TEKT3: variants seen among roughly 807,000 people sequenced by gnomAD.
The protein encoded by TEKT3 is tektin-3.
Under a neutral mutation model 49.8 loss-of-function variants are expected in TEKT3, and 49 were observed. That is an observed-to-expected ratio of 0.98 (90% CI 0.78 to 1.25). The LOEUF is 1.25. Among genes scored for constraint, TEKT3 ranks in the 50% most tolerant of loss-of-function variants. TEKT3 has a pLI of 0.00. For synonymous variants in TEKT3, 225 were observed against 237.2 expected (o/e 0.95, Z 0.47); for missense variants, 595 against 629.5 (o/e 0.95, Z 0.59).
At chr17:15,331,756 A>T in intron 2 of TEKT3, 142 bp from the exon 3 acceptor site, 1 of 622,210 alleles carries the variant, frequency 1.6e-6, no homozygotes, top group Non-Finnish European at 2.7e-6. Context: ...TGTTATCCAC[A>T]TTCACCATTG....
At chr17:15,311,686 C>A (rs1400889316) in intron 7 of TEKT3, among the ~76,000 whole-genome samples, 1 of 151,986 alleles carries the variant, frequency 6.6e-6, no homozygotes, top group Non-Finnish European at 1.5e-5. Context: ...CAGCATAATC[C>A]ACAGAAACAA....
At chr17:15,318,965 G>C in intron 5 of TEKT3, 112 bp downstream of exon 5, 1 of 777,944 alleles carries the variant, frequency 1.3e-6, no homozygotes, top group Non-Finnish European at 2.1e-6. Flanking sequence ...AAAAATATGT[G>C]TATATGCCTG....
rs1597653852 is a variant in TEKT3 at position 15,304,521 on chromosome 17, C to T, written c.1257-369G>A. Among the ~76,000 whole-genome samples the T allele has an allele frequency of 6.6e-6, 1 of 152,130 alleles. No homozygotes were observed. Among genetic ancestry groups the T allele is most frequent in the Non-Finnish European group, 1.5e-5 (1 of 68,022 alleles). On this transcript the variant is annotated intron_variant, in intron 8 of 8. Transcript: ENST00000395930. This position sits in a 1 kb window ranked among gnomAD's most constrained non-coding sequence, Gnocchi z 4.7. ...TTGTTTTACAGACTAGGAAATAGAG[C>T]CCAGGGGTTCATAAGCTGTCCTTTC...
upstream of TEKT3, among the ~76,000 whole-genome samples, chr17:15,343,422 T>C (rs381020): frequency 0.5 from 76,545 of 152,040 alleles, 19,997 homozygotes; most frequent in African/African-American, 0.63. Context: ...GGTTAATGCT[T>C]GCCCTTCAGT....
intron 8 of TEKT3, among the ~76,000 whole-genome samples, chr17:15,305,889 C>G (rs1567571654): frequency 6.6e-6 from 1 of 151,962 alleles, no homozygotes; most frequent in African/African-American, 2.4e-5. Flanking sequence ...TTCCACTTCT[C>G]TCATCGTTAA....
chr17:15,312,462 A>G lies in TEKT3; in HGVS notation c.898T>C (p.Trp300Arg), dbSNP rs1371757372. Residue 300 changes from tryptophan to arginine, a missense_variant, in exon 7 of 9, where the codon TGG becomes CGG. By Grantham distance (101) the Trp-to-Arg change is moderately radical (BLOSUM62 -3). Transcript: ENST00000395930. ...ATATTGTCATCTGTAAATTTGGCCC[A>G]GGACTCAGGCACTGAGACACTGAAA... Reference protein sequence around the residue: ...VDATVSVPESWAKFTDDNILR... With the variant: ...VDATVSVPESRAKFTDDNILR... 1.9e-6 allele frequency: 3 copies of G among 1,614,190 alleles called. No homozygotes were observed. The highest frequency in any genetic ancestry group is 2.5e-6 in the Non-Finnish European group (3 of 1,180,034).
rs555719062 is a variant in TEKT3 at position 15,336,414 on chromosome 17, A to C, written c.-30+3614T>G. 8.5e-5 allele frequency among the ~76,000 whole-genome samples: 13 copies of C among 152,326 alleles called. No individual in the cohort carries two copies. The East Asian group carries it at 2.5e-3, about 29-fold the overall frequency. On this transcript the variant is annotated intron_variant, in intron 2 of 8. Coordinates refer to ENST00000395930, the MANE Select transcript of TEKT3 (RefSeq NM_031898.3). ...AAATAAAATCTTTTCATAAAAACGA[A>C]ATCCAAAAGAATTCATCAGCAGCAG...
Position 15,303,863 on chromosome 17 carries a change from C to G in TEKT3, c.*73G>C. 10 of 1,339,810 alleles carry G rather than the reference C, an allele frequency of 7.5e-6. No homozygotes were observed. The highest frequency in any genetic ancestry group is 1.1e-5 in the Non-Finnish European group (10 of 936,080). 83.0% of individuals were successfully genotyped at this position (1,339,810 alleles called of 1,614,324 possible). On this transcript the variant is annotated 3_prime_UTR_variant, in exon 9 of 9. Coordinates refer to ENST00000395930, the MANE Select transcript of TEKT3 (RefSeq NM_031898.3). The stretch of plus-strand genomic sequence containing the variant: ...TTTAATAAGTGACTATATTAGCATT[C>G]GGTTCAAATGCTGAGACAGTGCTCT...
At chr17:15,326,160 G>T (rs1271484189) in intron 4 of TEKT3, among the ~76,000 whole-genome samples, 2 of 152,164 alleles carry the variant, frequency 1.3e-5, no homozygotes, top group Non-Finnish European at 2.9e-5. Context: ...TTAAAGCAGG[G>T]TGTTGATGCC....
chr17:15,323,616 T>C (rs397523), intron 4 of TEKT3, among the ~76,000 whole-genome samples: 71,592 of 152,122 alleles, frequency 0.47, 18,114 homozygotes, highest in African/African-American at 0.65. Flanking sequence ...CAAAGGTAGG[T>C]CTTTTAAGGC....
intron 4 of TEKT3, among the ~76,000 whole-genome samples, chr17:15,322,850 A>G (rs1911325154): frequency 6.6e-6 from 1 of 152,186 alleles, no homozygotes; most frequent in Non-Finnish European, 1.5e-5. Context: ...ATGCTTTTTA[A>G]TGATAGATTC....
intron 6 of TEKT3, 58 bp from the exon 7 acceptor site, chr17:15,312,539 C>T (rs956776713): frequency 1.1e-4 from 160 of 1,492,448 alleles, no homozygotes; most frequent in Non-Finnish European, 1.5e-4. Context: ...CCTACAGGAT[C>T]GCTAGGCAAT....
intron 8 of TEKT3, among the ~76,000 whole-genome samples, chr17:15,306,089 ATGTGTGTGTGTGTGTGTG>A (rs58688985): frequency 6.9e-6 from 1 of 144,314 alleles, no homozygotes; most frequent in Non-Finnish European, 1.5e-5. Flanking sequence ...ATTTATATAT[ATGTGTGTGTGTGTGTGTG>A]TGTGTGTGTG....
intron 7 of TEKT3, among the ~76,000 whole-genome samples, chr17:15,309,835 C>T (rs1910698004): frequency 1.3e-5 from 2 of 152,120 alleles, no homozygotes; most frequent in African/African-American, 4.8e-5. Context: ...CTCTCTGACA[C>T]CTCCCTCTCC....
In TEKT3 at chr17:15,331,323, G is replaced by T. The variant is rs1911725679; in HGVS notation, c.263C>A (p.Thr88Asn). The change falls in exon 3 of 9, where the codon ACC (threonine) becomes AAC (asparagine). Residue 88 changes from threonine to asparagine, a missense_variant. Coordinates refer to ENST00000395930, the MANE Select transcript of TEKT3 (RefSeq NM_031898.3). ...NTMLPFVSNR[T>N]TFFTRYTPDD... ...CGGTGTGTATCTTGTGAAGAAAGTGGTTCTGTTGGAAACAAAGGGAAGCAT... is the reference window on the plus strand; with the variant it reads ...CGGTGTGTATCTTGTGAAGAAAGTGTTTCTGTTGGAAACAAAGGGAAGCAT... 1 of 1,614,072 alleles carries T rather than the reference G, an allele frequency of 6.2e-7. No homozygotes were observed. The highest frequency in any genetic ancestry group is 1.3e-5 in the African/African-American group (1 of 74,912).
chr17:15,315,647 T>C (rs188670887), intron 5 of TEKT3, among the ~76,000 whole-genome samples: 12 of 147,354 alleles, frequency 8.1e-5, no homozygotes, highest in African/African-American at 2.3e-4. Flanking sequence ...TCAACTAAGA[T>C]AGGGGGTTGG....
chr17:15,340,233 G>A (rs1001546178), intron 1 of TEKT3, among the ~76,000 whole-genome samples, 172 bp from the exon 2 acceptor site: 5 of 152,104 alleles, frequency 3.3e-5, no homozygotes. Flanking sequence ...AACACGTACA[G>A]CATAACCATT....
chr17:15,316,472 G>A (rs965438230), intron 5 of TEKT3, among the ~76,000 whole-genome samples: 3 of 152,156 alleles, frequency 2.0e-5, no homozygotes, highest in African/African-American at 7.2e-5. Context: ...CAAAGGAGGG[G>A]AGGGAGGAGG....
chr17:15,309,484 T>C (rs1910679098), intron 7 of TEKT3, among the ~76,000 whole-genome samples: 1 of 152,194 alleles, frequency 6.6e-6, no homozygotes, highest in South Asian at 2.1e-4. Flanking sequence ...TCTTTCTCTG[T>C]AAAGAGAGTC....
Sources: allele counts gnomAD v4.1 joint callset (sites outside exome capture counted in the v4.1 genomes callset), GRCh38; gene constraint gnomAD v4.1.1; non-coding constraint Gnocchi (gnomAD v3.1); transcripts MANE v1.5; gene names NCBI Gene and HGNC (gene_info 2026-07-23, HGNC 2026-07-21).